RGP1: variants seen among roughly 807,000 people sequenced by gnomAD.
The protein encoded by RGP1 is RGP1 partner of RAB6A GEF complex.
A neutral mutation model predicts 44.5 loss-of-function variants in RGP1; 28 were observed. That is an observed-to-expected ratio of 0.63 (90% CI 0.47 to 0.86). RGP1 has a LOEUF of 0.86. RGP1 is among the 40% of genes least tolerant of loss of function. The probability of loss-of-function intolerance (pLI) is 0.00; values close to 1 mark genes in which losing one functional copy is unlikely to be tolerated. For synonymous variants in RGP1, 212 were observed against 196.7 expected (o/e 1.08, Z -0.65); for missense variants, 417 against 490.7 (o/e 0.85, Z 1.42).
the RGP1 span, among the ~76,000 whole-genome samples, chr9:35,772,802 A>T: frequency 6.6e-6 from 1 of 152,088 alleles, no homozygotes; most frequent in African/African-American, 2.4e-5. Flanking sequence ...AAAAAAAAAA[A>T]AAAAAAAGTT....
At chr9:35,758,891 T>A (rs1243285485), downstream of RGP1, among the ~76,000 whole-genome samples, 2 of 152,196 alleles carry the variant, frequency 1.3e-5, no homozygotes, top group Non-Finnish European at 2.9e-5. Flanking sequence ...TTTTTCCTCC[T>A]TTCTCTTTAG....
In RGP1 at chr9:35,753,254, G is replaced by A; in HGVS notation, c.*380G>A. ...TGCCTCCTGACGTACCTCACACCCA[G>A]CCGGGAAGTCGATGGGATGCTGGGA... On this transcript the variant is annotated 3_prime_UTR_variant, in exon 9 of 9. Coordinates refer to ENST00000378078, the MANE Select transcript of RGP1 (RefSeq NM_001080496.3). The surrounding 1 kb of genome is among the most constrained non-coding windows in gnomAD (Gnocchi z 4.2). The A allele has an allele frequency of 6.2e-7, 1 of 1,614,072 alleles. No homozygotes were observed. Among genetic ancestry groups the A allele is most frequent in the Non-Finnish European group, 8.5e-7 (1 of 1,180,020 alleles).
At position 35,754,248 on chromosome 9, in the gene RGP1, C is replaced by T; in HGVS notation, c.*1374C>T. ...TTAGTTTCTGTCTTTCTCCCCTGGG[C>T]TCCTGTCTCACACTATCTCCCTGCC... On this transcript the variant is annotated 3_prime_UTR_variant, in exon 9 of 9. Coordinates refer to ENST00000378078, the MANE Select transcript of RGP1 (RefSeq NM_001080496.3). 7.5e-7 allele frequency: 1 copy of T among 1,324,888 alleles called. No homozygotes were observed. 82.1% of individuals were successfully genotyped at this position (1,324,888 alleles called of 1,614,324 possible).
downstream of RGP1, among the ~76,000 whole-genome samples, chr9:35,760,880 G>A (rs115842384): frequency 2.4e-3 from 373 of 152,320 alleles, 2 homozygotes; most frequent in African/African-American, 8.7e-3. Flanking sequence ...AGGTTACCAA[G>A]ACAACTGGAG....
At position 35,750,976 on chromosome 9, in the gene RGP1, T is replaced by G. The variant is rs772110819; in HGVS notation, c.474T>G (p.Val158=). Residue 158 remains valine, a synonymous_variant, in exon 5 of 9, where the codon GTT becomes GTG. Transcript: ENST00000378078. ...CTTTACTCAGAGTCCCTCTGAGGGT[T>G]CTTGTGCTGACTGGTAAGCAAGGGC... ...PITLLRVPLR[V]LVLTGLQDVR... is the part of the protein sequence containing the mutation. 6.2e-7 allele frequency: 1 copy of G among 1,613,850 alleles called. No homozygotes were observed. Among genetic ancestry groups the G allele is most frequent in the Admixed American group, 1.7e-5 (1 of 60,018 alleles).
the RGP1 span, among the ~76,000 whole-genome samples, chr9:35,766,055 G>T: frequency 6.8e-6 from 1 of 148,038 alleles, no homozygotes. Context: ...GGATGATCTC[G>T]ATCTGACCTT....
In RGP1 at chr9:35,753,477, C is replaced by T. The variant is rs1827306658; in HGVS notation, c.*603C>T. ...GGAGTATTTTCTCTCCAGGTCCACC[C>T]CAACCTCCCCTGATTTATAGCCTGA... On this transcript the variant is annotated 3_prime_UTR_variant, in exon 9 of 9. Transcript: ENST00000378078. This position sits in a 1 kb window ranked among gnomAD's most constrained non-coding sequence, Gnocchi z 4.2. The T allele has an allele frequency of 5.2e-6, 4 of 770,350 alleles. No individual in the cohort carries two copies. Among genetic ancestry groups the T allele is most frequent in the Non-Finnish European group, 6.3e-6 (3 of 479,866 alleles). The allele number at this position is 770,350 out of a possible 1,614,324, so 47.7% of individuals were successfully genotyped here. A position where few individuals can be genotyped will look rare whatever the true frequency, so the allele number is the denominator to read the frequency against.
chr9:35,752,728 C>T lies in RGP1; in HGVS notation c.1030C>T (p.Gln344Ter), dbSNP rs1827287157. Residue 344 changes from glutamine to a stop codon, truncating the protein, a stop_gained, in exon 9 of 9, where the codon CAG becomes TAG. Transcript: ENST00000378078. LOFTEE classifies it high-confidence loss of function. ...PGLVLLPPVE[Q>*]PEPTTWTGPE... ...ATTGGTACTCCTACCCCCTGTGGAACAGCCCGAACCTACCACCTGGACAGG... is the reference window on the plus strand; with the variant it reads ...ATTGGTACTCCTACCCCCTGTGGAATAGCCCGAACCTACCACCTGGACAGG... 2 of 1,613,656 alleles carry T rather than the reference C, an allele frequency of 1.2e-6. No homozygotes were observed. The highest frequency in any genetic ancestry group is 1.1e-5 in the South Asian group (1 of 91,022).
Position 35,750,859 on chromosome 9 carries a change from G to A in RGP1, c.357G>A (p.Leu119=). Residue 119 remains leucine (L), a synonymous_variant, in exon 5 of 9, where the codon CTG becomes CTA. Transcript: ENST00000378078. The stretch of plus-strand genomic sequence containing the variant: ...AACCAGACTCCTACAGTGAAGTGCT[G>A]CCCATAGAGGGACCACCCTCCTTTC... ...ESKSYSYSEV[L]PIEGPPSFRG... 1.2e-6 allele frequency: 2 copies of A among 1,613,974 alleles called. No individual in the cohort carries two copies. Among genetic ancestry groups the A allele is most frequent in the African/African-American group, 2.7e-5 (2 of 75,018 alleles).
the RGP1 span, among the ~76,000 whole-genome samples, chr9:35,767,294 T>TG: frequency 6.6e-6 from 1 of 150,588 alleles, no homozygotes; most frequent in African/African-American, 2.4e-5. Flanking sequence ...TTTTTTTTTT[T>TG]TTTTTTTTTT....
At position 35,756,310 on chromosome 9, in the gene RGP1, G is replaced by C. The variant is rs1827358012; in HGVS notation, c.*3436G>C. On this transcript the variant is annotated 3_prime_UTR_variant, in exon 9 of 9. Coordinates refer to ENST00000378078, the MANE Select transcript of RGP1 (RefSeq NM_001080496.3). The stretch of plus-strand genomic sequence containing the variant: ...CAGCTACTTCTGGCTGACTTTTCAA[G>C]GGGGACCACCCTACCTGTCATCTCT... 6.6e-6 allele frequency: 1 copy of C among 152,268 alleles called. No homozygotes were observed. The highest frequency in any genetic ancestry group is 2.4e-5 in the African/African-American group (1 of 41,434). The allele number at this position is 152,268 out of a possible 1,614,324, so 9.4% of individuals were successfully genotyped here.
In RGP1 at chr9:35,750,843, C is replaced by G. The variant is rs377760862; in HGVS notation, c.341C>G (p.Ser114Cys). The G allele has an allele frequency of 8.7e-6, 14 of 1,613,848 alleles. No homozygotes were observed. The African/African-American group carries it at 1.7e-4, about 20-fold the overall frequency. ...RLDPGESKSYSYSEVLPIEGP... is the reference protein window; with the variant it reads ...RLDPGESKSYCYSEVLPIEGP... ...CTGACAACTACTTCCCAACCAGACT[C>G]CTACAGTGAAGTGCTGCCCATAGAG... is the stretch of plus-strand genomic sequence containing the variant. The change falls in exon 5 of 9, where the codon TCC (serine) becomes TGC (cysteine). Residue 114 changes from serine (S) to cysteine (C), a missense_variant. Physicochemically the swap from Ser to Cys is moderately radical, Grantham distance 112. Coordinates refer to ENST00000378078, the MANE Select transcript of RGP1 (RefSeq NM_001080496.3).
Position 35,750,329 on chromosome 9 carries a change from G to C in RGP1, c.203G>C (p.Ser68Thr). 1 of 1,614,006 alleles carries C rather than the reference G, an allele frequency of 6.2e-7. No individual in the cohort carries two copies. The highest frequency in any genetic ancestry group is 8.5e-7 in the Non-Finnish European group (1 of 1,179,894). Reference sequence around the variant, plus strand: ...GTAGCACTGCCTCCTCCTGACTCTAGTCAGCCAGATGTCCAGCCCGACAGC... The same window carrying C: ...GTAGCACTGCCTCCTCCTGACTCTACTCAGCCAGATGTCCAGCCCGACAGC... ...SRVALPPPDS[S>T]QPDVQPDSQT... Residue 68 changes from serine (S) to threonine (T), a missense_variant, in exon 3 of 9, where the codon AGT becomes ACT. Ser to Thr is a moderately conservative substitution (Grantham distance 58). Coordinates refer to ENST00000378078, the MANE Select transcript of RGP1 (RefSeq NM_001080496.3).
At position 35,751,740 on chromosome 9, in the gene RGP1, G is replaced by T; in HGVS notation, c.748G>T (p.Val250Leu). 1 of 1,613,956 alleles carries T rather than the reference G, an allele frequency of 6.2e-7. No individual in the cohort carries two copies. The highest frequency in any genetic ancestry group is 8.5e-7 in the Non-Finnish European group (1 of 1,179,858). ...VGTLNLGEGT[V>L]ACLQFSVSLQ... ...GACCTTAAACTTAGGGGAAGGAACC[G>T]TAGCTTGTTTGCAGGTAAGAAGGGA... The change falls in exon 7 of 9, where the codon GTA (valine) becomes TTA (leucine). Residue 250 changes from valine to leucine, a missense_variant. Val to Leu is a conservative substitution (Grantham distance 32). Transcript: ENST00000378078.
At chr9:35,768,223 G>A in the RGP1 span, among the ~76,000 whole-genome samples, 1 of 151,782 alleles carries the variant, frequency 6.6e-6, no homozygotes, top group Non-Finnish European at 1.5e-5. Context: ...CACCACTCTT[G>A]GCTAATTTTT....
the RGP1 span, among the ~76,000 whole-genome samples, chr9:35,786,469 C>A: frequency 3.9e-5 from 6 of 152,204 alleles, no homozygotes; most frequent in Non-Finnish European, 8.8e-5. Flanking sequence ...TAGGAAGATT[C>A]TTGGGCCAAG....
At chr9:35,760,016 G>A (rs1192739726), downstream of RGP1, among the ~76,000 whole-genome samples, 1 of 150,440 alleles carries the variant, frequency 6.6e-6, no homozygotes, top group East Asian at 2.0e-4. Context: ...TTGATTTCCC[G>A]CTGCTGTCAC....
the RGP1 span, among the ~76,000 whole-genome samples, chr9:35,766,905 T>C: frequency 3.9e-5 from 6 of 152,372 alleles, no homozygotes; most frequent in South Asian, 1.0e-3. Context: ...GACAATGTCC[T>C]TGCTCCCTTG....
chr9:35,750,567 C>T, intron 3 of RGP1, 91 bp from the exon 4 acceptor site: 2 of 1,434,030 alleles, frequency 1.4e-6, no homozygotes, highest in South Asian at 2.4e-5. Context: ...GACGGAGGGC[C>T]TGGCAGCCTT....
Sources: gnomAD v4.1 joint callset for allele counts (sites outside exome capture counted in the v4.1 genomes callset) on GRCh38, gnomAD v4.1.1 for gene constraint, Gnocchi (gnomAD v3.1) non-coding constraint, MANE v1.5 for transcripts, NCBI Gene and HGNC (gene_info 2026-07-23, HGNC 2026-07-21) for gene names.